Variants in PACRGL observed in about 807,000 individuals in gnomAD.
The protein encoded by PACRGL is parkin coregulated like.
A neutral mutation model predicts 34.5 loss-of-function variants in PACRGL; 38 were observed. That is an observed-to-expected ratio of 1.10 (90% confidence interval 0.85 to 1.44). PACRGL has a LOEUF of 1.44. Ranked by LOEUF, PACRGL falls within the 40% of genes most tolerant of loss-of-function variation. The probability of loss-of-function intolerance (pLI) is 0.00; values close to 1 mark genes in which losing one functional copy is unlikely to be tolerated. For synonymous variants in PACRGL, 128 were observed against 100.1 expected (o/e 1.28, Z -1.66); for missense variants, 305 against 281.4 (o/e 1.08, Z -0.60).
At chr4:20,743,518 G>C (rs1751678503) in intron 8 of PACRGL, among the ~76,000 whole-genome samples, 1 of 152,182 alleles carries the variant, frequency 6.6e-6, no homozygotes, top group Admixed American at 6.5e-5. Flanking sequence ...AAGCAATGGG[G>C]AAAGGATTCC....
intron 8 of PACRGL, among the ~76,000 whole-genome samples, chr4:20,750,537 T>A (rs1037982660): frequency 5.9e-5 from 9 of 152,174 alleles, no homozygotes; most frequent in Non-Finnish European, 8.8e-5. Context: ...GTGTTCTTAG[T>A]TTGCTTCTAT....
downstream of PACRGL, among the ~76,000 whole-genome samples, chr4:20,737,525 A>G (rs543313921): frequency 1.3e-5 from 2 of 149,118 alleles, no homozygotes; most frequent in East Asian, 1.9e-4. Flanking sequence ...GGGAGTTGAT[A>G]CATGAGACAG....
chr4:20,720,931 G>A (rs895882830), intron 7 of PACRGL, among the ~76,000 whole-genome samples: 3 of 152,114 alleles, frequency 2.0e-5, no homozygotes, highest in African/African-American at 7.2e-5. Context: ...TTCCAACTTG[G>A]TTCCATTCTC....
chr4:20,764,270 C>T, the PACRGL span, among the ~76,000 whole-genome samples: 6 of 151,786 alleles, frequency 4.0e-5, no homozygotes, highest in Admixed American at 1.3e-4. Flanking sequence ...GCATATATAC[C>T]GTAGAAATAA....
chr4:20,733,384 C>CT (rs1748820721), downstream of PACRGL, among the ~76,000 whole-genome samples: 1 of 152,136 alleles, frequency 6.6e-6, no homozygotes, highest in African/African-American at 2.4e-5. Context: ...TGCCTTACCA[C>CT]TTTCATTCTT....
chr4:20,724,774 G>C (rs1205501289), intron 7 of PACRGL, 34 bp from the exon 8 acceptor site: 2 of 1,284,194 alleles, frequency 1.6e-6, no homozygotes, highest in Non-Finnish European at 2.1e-6. Context: ...TAAGTTTAAA[G>C]TCATTTCGTT....
chr4:20,731,966 T>C lies in PACRGL; in HGVS notation c.*4625T>C, dbSNP rs767916581. 9.9e-6 allele frequency: 16 copies of C among 1,610,866 alleles called. No individual in the cohort carries two copies. The highest frequency in any genetic ancestry group is 4.4e-5 in the South Asian group (4 of 90,690). ...CTGCTAATACTCAGTTTAGCTGTTA[T>C]GATAGCTGAATTGATAGTTATTACA... On this transcript the variant is annotated 3_prime_UTR_variant, in exon 9 of 9. Transcript: ENST00000503585.
downstream of PACRGL, chr4:20,732,823 T>C (rs772145698): frequency 1.6e-6 from 2 of 1,225,076 alleles, no homozygotes; most frequent in East Asian, 2.3e-5. Context: ...GCTGCACACA[T>C]GTATGAAGAA....
downstream of PACRGL, among the ~76,000 whole-genome samples, chr4:20,755,036 CATT>C (rs1754266848): frequency 1.3e-5 from 2 of 152,076 alleles, no homozygotes; most frequent in Non-Finnish European, 2.9e-5. Flanking sequence ...ATTAATCTCT[CATT>C]AATGCAGACA....
chr4:20,704,517 G>A lies in PACRGL; in HGVS notation c.36G>A (p.Leu12=), dbSNP rs767557874. 6.2e-7 allele frequency: 1 copy of A among 1,613,916 alleles called. No individual in the cohort carries two copies. Among genetic ancestry groups the A allele is most frequent in the South Asian group, 1.1e-5 (1 of 91,054 alleles). ...CAGAGGGCTCTGGAGGTACACAGTT[G>A]AAAAACAGAGCAACAGGTACAGAGC... ...QKSEGSGGTQ[L]KNRATGNYDQ... Residue 12 remains leucine (L), a synonymous_variant, in exon 2 of 9, where the codon TTG becomes TTA. Transcript: ENST00000503585.
chr4:20,738,283 CGTA>C (rs1202437364), intron 8 of PACRGL, among the ~76,000 whole-genome samples: 4 of 152,114 alleles, frequency 2.6e-5, no homozygotes, highest in Non-Finnish European at 4.4e-5. Flanking sequence ...AAATTCACAG[CGTA>C]GTAATAATAT....
At position 20,710,376 on chromosome 4, in the gene PACRGL, C is replaced by T. The variant is rs1203498684; in HGVS notation, c.366+603C>T. On this transcript the variant is annotated intron_variant, in intron 5 of 8. Coordinates refer to ENST00000503585, the MANE Select transcript of PACRGL (RefSeq NM_001258345.3). ...TTAGCTTCAAGTGAATCATTGCTAT[C>T]TTCTATGAATTTTATTCTTAGAGTT... 2.6e-5 allele frequency among the ~76,000 whole-genome samples: 4 copies of T among 152,250 alleles called. No homozygotes were observed. In the South Asian group the frequency reaches 8.3e-4, roughly 32 times the overall value.
At chr4:20,716,977 A>G (rs907578417) in intron 7 of PACRGL, among the ~76,000 whole-genome samples, 5 of 152,222 alleles carry the variant, frequency 3.3e-5, no homozygotes, top group Admixed American at 6.5e-5. Flanking sequence ...CTATTCCTCC[A>G]CATCCTCTCC....
At chr4:20,732,745 C>T (rs1434426837), downstream of PACRGL, 1 of 1,612,040 alleles carries the variant, frequency 6.2e-7, no homozygotes, top group South Asian at 1.1e-5. Flanking sequence ...TGTACATTTA[C>T]CCATCATATC....
At chr4:20,710,694 A>G (rs1252954230) in intron 5 of PACRGL, among the ~76,000 whole-genome samples, 1 of 152,180 alleles carries the variant, frequency 6.6e-6, no homozygotes, top group East Asian at 1.9e-4. Context: ...AATTTTGCCA[A>G]TTGAGATTCC....
chr4:20,747,233 C>T (rs1212260649), intron 8 of PACRGL, among the ~76,000 whole-genome samples: 1 of 152,006 alleles, frequency 6.6e-6, no homozygotes, highest in Non-Finnish European at 1.5e-5. Context: ...ATATAATGTG[C>T]CCTAGGAAAT....
chr4:20,721,310 C>T (rs1340341262), intron 7 of PACRGL, among the ~76,000 whole-genome samples: 1 of 152,114 alleles, frequency 6.6e-6, no homozygotes, highest in Non-Finnish European at 1.5e-5. Context: ...CGTCTGAAGC[C>T]TTCTTTTGTC....
chr4:20,715,638 G>A (rs1739556665), intron 7 of PACRGL, among the ~76,000 whole-genome samples: 1 of 152,030 alleles, frequency 6.6e-6, no homozygotes, highest in Non-Finnish European at 1.5e-5. Flanking sequence ...AGGCTGAGGT[G>A]GGTGGATTGC....
the PACRGL span, chr4:20,767,307 T>A: frequency 1.3e-5 from 2 of 152,182 alleles, no homozygotes; most frequent in East Asian, 3.9e-4. Flanking sequence ...AGGAATATTG[T>A]AATTGTAAAT....
Sources: allele counts gnomAD v4.1 joint callset (sites outside exome capture counted in the v4.1 genomes callset), GRCh38; gene constraint gnomAD v4.1.1; transcripts MANE v1.5; gene names NCBI Gene and HGNC (gene_info 2026-07-23, HGNC 2026-07-21).